Variants in NDRG4 observed in about 807,000 individuals in gnomAD.
NDRG4 encodes protein NDRG4.
A neutral mutation model predicts 55.8 loss-of-function variants in NDRG4; 38 were observed. The ratio of observed to expected loss-of-function variants is 0.68; its 90% confidence interval spans 0.53 to 0.89. The LOEUF (loss-of-function observed/expected upper bound fraction) is 0.89, where lower values mean the gene tolerates loss of function less well. NDRG4 is among the 40% of genes least tolerant of loss of function. NDRG4 has a pLI of 0.00. For synonymous variants in NDRG4, 190 were observed against 182.7 expected (o/e 1.04, Z -0.32); for missense variants, 455 against 468.6 (o/e 0.97, Z 0.27).
chr16:58,492,702 C>T (rs958382128), intron 2 of NDRG4, among the ~76,000 whole-genome samples: 2 of 152,096 alleles, frequency 1.3e-5, no homozygotes, highest in African/African-American at 4.8e-5. Context: ...TGACCACGCC[C>T]GGCCTTCTTT....
At chr16:58,505,067 A>G (rs2037677634) in intron 5 of NDRG4, among the ~76,000 whole-genome samples, 1 of 152,076 alleles carries the variant, frequency 6.6e-6, no homozygotes, top group African/African-American at 2.4e-5. Context: ...CATTTCAAAA[A>G]CATCATTGTC....
intron 2 of NDRG4, among the ~76,000 whole-genome samples, chr16:58,492,533 T>A (rs1567594995): frequency 7.5e-5 from 7 of 93,662 alleles, no homozygotes; most frequent in African/African-American, 1.8e-4. Context: ...TGTGTGTGTG[T>A]GTGTGTGTGT....
At chr16:58,473,944 G>A (rs975825846) in intron 1 of NDRG4, among the ~76,000 whole-genome samples, 2 of 150,382 alleles carry the variant, frequency 1.3e-5, no homozygotes, top group Non-Finnish European at 2.9e-5. Context: ...GCACTCCAAC[G>A]CTTACCACCC....
At chr16:58,507,098 A>T in intron 8 of NDRG4, 83 bp downstream of exon 8, 1 of 1,074,492 alleles carries the variant, frequency 9.3e-7, no homozygotes. Flanking sequence ...AGGCAGGCAG[A>T]CAACACCCTT....
At chr16:58,500,897 G>A in intron 1 of NDRG4, 1 of 859,580 alleles carries the variant, frequency 1.2e-6, no homozygotes, top group Non-Finnish European at 1.6e-6. Context: ...GAGGCAAGGA[G>A]GTCTGGGCCA....
At chr16:58,509,269 A>T in intron 12 of NDRG4, 32 bp from the exon 13 acceptor site, 4 of 1,614,000 alleles carry the variant, frequency 2.5e-6, no homozygotes, top group Non-Finnish European at 3.4e-6. Flanking sequence ...TAGGCAGCCA[A>T]TGAAAGCATG....
chr16:58,468,938 G>A (rs2032267158), intron 1 of NDRG4, among the ~76,000 whole-genome samples: 1 of 152,180 alleles, frequency 6.6e-6, no homozygotes, highest in Non-Finnish European at 1.5e-5. Flanking sequence ...CGAGCAATAT[G>A]TTCCAAAACG....
At chr16:58,501,300 C>T (rs540037841) in intron 1 of NDRG4, 2 of 384,010 alleles carry the variant, frequency 5.2e-6, no homozygotes, top group Admixed American at 4.5e-5. Context: ...ACTCCCACAC[C>T]GGCGCAAAGC....
chr16:58,481,476 A>T (rs929724563), intron 1 of NDRG4, among the ~76,000 whole-genome samples: 1 of 152,118 alleles, frequency 6.6e-6, no homozygotes, highest in African/African-American at 2.4e-5. Flanking sequence ...GTGCGCGCGC[A>T]TGCAGGGTGG....
chr16:58,508,274 C>T (rs1250384174), intron 10 of NDRG4, among the ~76,000 whole-genome samples: 1 of 152,236 alleles, frequency 6.6e-6, no homozygotes, highest in Non-Finnish European at 1.5e-5. Flanking sequence ...CAGCACAGCC[C>T]CAACTTGGTC....
chr16:58,506,071 A>C, intron 5 of NDRG4: 1 of 507,848 alleles, frequency 2.0e-6, no homozygotes, highest in South Asian at 1.9e-5. Flanking sequence ...TAAGATTTTA[A>C]GATGTTTAAT....
At position 58,464,094 on chromosome 16, in the gene NDRG4, T is replaced by C; in HGVS notation, c.-24+297T>C. 1 of 250,394 alleles carries C rather than the reference T, an allele frequency of 4.0e-6. No individual in the cohort carries two copies. The highest frequency in any genetic ancestry group is 7.6e-6 in the Non-Finnish European group (1 of 132,184). The allele number at this position is 250,394 out of a possible 1,614,324, so 15.5% of individuals were successfully genotyped here. Reference sequence around the variant, plus strand: ...GACGCCCGGAGGCGGCGGGGTCTCTTTGTTCGGGCGGCGGGCACGGGGGAC... The same window carrying C: ...GACGCCCGGAGGCGGCGGGGTCTCTCTGTTCGGGCGGCGGGCACGGGGGAC... On this transcript the variant is annotated intron_variant, in intron 1 of 15. Transcript: ENST00000258187. The surrounding 1 kb of genome is among the most constrained non-coding windows in gnomAD (Gnocchi z 4.8).
Position 58,464,302 on chromosome 16 carries a change from C to A in NDRG4, c.-24+505C>A. 1.4e-6 allele frequency: 1 copy of A among 736,968 alleles called. No individual in the cohort carries two copies. The highest frequency in any genetic ancestry group is 1.9e-6 in the Non-Finnish European group (1 of 518,416). The allele number at this position is 736,968 out of a possible 1,614,324, so 45.7% of individuals were successfully genotyped here. A position where few individuals can be genotyped will look rare whatever the true frequency, so the allele number is the denominator to read the frequency against. ...GCGGGAGAGCGCTCCTGGCTGTGAG[C>A]TGCTCCTGCCGCTTCGCTCCGCGCT... On this transcript the variant is annotated intron_variant, in intron 1 of 15. Coordinates refer to the NDRG4 transcript ENST00000258187. The surrounding 1 kb of genome is among the most constrained non-coding windows in gnomAD (Gnocchi z 4.8).
intron 1 of NDRG4, among the ~76,000 whole-genome samples, chr16:58,474,203 C>T (rs1277367635): frequency 2.6e-5 from 4 of 151,854 alleles, no homozygotes; most frequent in East Asian, 3.9e-4. Flanking sequence ...ACCACACACC[C>T]GGCTAACTTT....
intron 1 of NDRG4, among the ~76,000 whole-genome samples, chr16:58,480,386 G>A (rs1246824943): frequency 1.3e-5 from 2 of 152,208 alleles, no homozygotes; most frequent in Non-Finnish European, 2.9e-5. Context: ...CTCCCAAAGT[G>A]CTGGGATTAC....
intron 13 of NDRG4, among the ~76,000 whole-genome samples, chr16:58,510,048 C>A (rs1003294465): frequency 8.5e-5 from 13 of 152,178 alleles, no homozygotes; most frequent in African/African-American, 2.9e-4. Context: ...AGGCAAACTT[C>A]CTCTTCTCAG....
At chr16:58,467,044 C>T (rs1280219698) in intron 1 of NDRG4, among the ~76,000 whole-genome samples, 7 of 152,126 alleles carry the variant, frequency 4.6e-5, no homozygotes, top group South Asian at 2.1e-4. Flanking sequence ...GGTCACAGTC[C>T]GGGAGGTGGC....
chr16:58,473,940 C>T (rs2033224035), intron 1 of NDRG4, among the ~76,000 whole-genome samples: 1 of 151,968 alleles, frequency 6.6e-6, no homozygotes, highest in African/African-American at 2.4e-5. Flanking sequence ...ACCAGCACTC[C>T]AACGCTTACC....
rs537083088 is a variant in NDRG4 at position 58,464,996 on chromosome 16, G to T, written c.-24+1199G>T. 7.3e-5 allele frequency: 90 copies of T among 1,228,504 alleles called. No homozygotes were observed. In the South Asian group the frequency reaches 8.8e-4, roughly 12 times the overall value. 76.1% of individuals were successfully genotyped at this position (1,228,504 alleles called of 1,614,324 possible). A position where few individuals can be genotyped will look rare whatever the true frequency, so the allele number is the denominator to read the frequency against. ...AGCCTTGGGGCTCCTCTGGAGAAGTGATCAGTTGCCCTGCTGGAAACTCAC... is the reference window on the plus strand; with the variant it reads ...AGCCTTGGGGCTCCTCTGGAGAAGTTATCAGTTGCCCTGCTGGAAACTCAC... On this transcript the variant is annotated intron_variant, in intron 1 of 15. Transcript: ENST00000258187. This position sits in a 1 kb window ranked among gnomAD's most constrained non-coding sequence, Gnocchi z 4.8.
Sources: gnomAD v4.1 joint callset for allele counts (sites outside exome capture counted in the v4.1 genomes callset) on GRCh38, gnomAD v4.1.1 for gene constraint, Gnocchi (gnomAD v3.1) non-coding constraint, MANE v1.5 for transcripts, NCBI Gene and HGNC (gene_info 2026-07-23, HGNC 2026-07-21) for gene names.